FBXL7: variants seen among roughly 807,000 people sequenced by gnomAD.
FBXL7 encodes the protein F-box and leucine rich repeat protein 7.
FBXL7 carries 12 observed loss-of-function variants against 38.3 expected under a neutral mutation model. That is an observed-to-expected ratio of 0.31 (90% CI 0.20 to 0.51). The LOEUF is 0.51. Among genes scored for constraint, FBXL7 ranks in the 20% least tolerant of loss-of-function variants. The probability of loss-of-function intolerance (pLI) is 0.98; values close to 1 mark genes in which losing one functional copy is unlikely to be tolerated. For synonymous variants in FBXL7, 297 were observed against 300.9 expected (o/e 0.99, Z 0.13); for missense variants, 567 against 676.4 (o/e 0.84, Z 1.79).
At chr5:15,859,575 A>G (rs1196564008) in intron 2 of FBXL7, among the ~76,000 whole-genome samples, 1 of 152,188 alleles carries the variant, frequency 6.6e-6, no homozygotes, top group Non-Finnish European at 1.5e-5. Context: ...GAGCAAAGTC[A>G]TGTCTCGCAT....
intron 2 of FBXL7, among the ~76,000 whole-genome samples, chr5:15,893,106 A>T (rs923045113): frequency 3.4e-5 from 5 of 147,384 alleles, no homozygotes; most frequent in Non-Finnish European, 7.5e-5. Flanking sequence ...ACAGAGTGAG[A>T]CTCTGTCTCA....
At position 15,506,014 on chromosome 5, in the gene FBXL7, A is replaced by G. The variant is rs113143460; in HGVS notation, c.37+5301A>G. 6.6e-3 allele frequency among the ~76,000 whole-genome samples: 1,003 copies of G among 152,330 alleles called. 13 individuals carry two copies. The highest frequency in any genetic ancestry group is 0.023 in the African/African-American group (948 of 41,570). Reference sequence around the variant, plus strand: ...GGCTCTAACTTTTACAGTTTGAGGTAAGACAGCAAAGCTAGCAGGAATTTC... The same window carrying G: ...GGCTCTAACTTTTACAGTTTGAGGTGAGACAGCAAAGCTAGCAGGAATTTC... On this transcript the variant is annotated intron_variant, in intron 1 of 3. Coordinates refer to ENST00000504595, the MANE Select transcript of FBXL7 (RefSeq NM_012304.5).
At chr5:15,708,317 T>G (rs1441005295) in intron 2 of FBXL7, among the ~76,000 whole-genome samples, 1 of 152,230 alleles carries the variant, frequency 6.6e-6, no homozygotes, top group Non-Finnish European at 1.5e-5. Flanking sequence ...GGTCTCTCAC[T>G]GGGTTCCCAT....
chr5:15,782,454 A>C (rs1737022130), intron 2 of FBXL7, among the ~76,000 whole-genome samples: 1 of 152,158 alleles, frequency 6.6e-6, no homozygotes, highest in Non-Finnish European at 1.5e-5. Context: ...ACAGTGTAAA[A>C]TTGTTCCTAT....
chr5:15,654,806 T>A (rs1338388250), intron 2 of FBXL7, among the ~76,000 whole-genome samples: 1 of 152,188 alleles, frequency 6.6e-6, no homozygotes, highest in Non-Finnish European at 1.5e-5. Context: ...TATTTTAGAT[T>A]TTTAAAAAAT....
At chr5:15,831,799 C>A (rs1284106693) in intron 2 of FBXL7, among the ~76,000 whole-genome samples, 2 of 152,160 alleles carry the variant, frequency 1.3e-5, no homozygotes, top group African/African-American at 4.8e-5. Flanking sequence ...ACATGGACAG[C>A]ATCTTTTCTT....
intron 2 of FBXL7, among the ~76,000 whole-genome samples, chr5:15,656,897 G>A (rs1005532336): frequency 6.6e-6 from 1 of 151,930 alleles, no homozygotes; most frequent in Admixed American, 6.6e-5. Flanking sequence ...GTAAATTGTA[G>A]CCTGTATAGT....
At position 15,928,032 on chromosome 5, in the gene FBXL7, C is replaced by A. The variant is rs773853909; in HGVS notation, c.270C>A (p.Ser90=). ...ITGETVAMVH[S]PPPTRLTHPL... is the part of the protein sequence containing the mutation. ...GGGAGACGGTGGCCATGGTGCACTC[C>A]CCGCCCCCGACCCGCCTCACACACC... The change falls in exon 3 of 4, where the codon TCC becomes TCA. Residue 90 remains serine, a synonymous_variant. Transcript: ENST00000504595. The surrounding 1 kb of genome is among the most constrained non-coding windows in gnomAD (Gnocchi z 4.0). 1.9e-6 allele frequency: 1 copy of A among 518,106 alleles called. No homozygotes were observed. The highest frequency in any genetic ancestry group is 3.9e-6 in the Non-Finnish European group (1 of 257,504). The allele number at this position is 518,106 out of a possible 1,614,324, so 32.1% of individuals were successfully genotyped here.
chr5:15,546,951 GC>G (rs928507593), intron 1 of FBXL7, among the ~76,000 whole-genome samples: 5 of 152,154 alleles, frequency 3.3e-5, no homozygotes, highest in African/African-American at 1.2e-4. Flanking sequence ...GGAAGAAGAA[GC>G]TTTTTGAGCA....
At chr5:15,516,417 C>T (rs929275223) in intron 1 of FBXL7, among the ~76,000 whole-genome samples, 10 of 152,202 alleles carry the variant, frequency 6.6e-5, no homozygotes, top group Non-Finnish European at 1.3e-4. Context: ...GTGCTCCTAA[C>T]TGCATTCACT....
intron 2 of FBXL7, among the ~76,000 whole-genome samples, chr5:15,902,964 C>G (rs372091033): frequency 3.3e-5 from 5 of 152,326 alleles, no homozygotes; most frequent in South Asian, 2.1e-4. Flanking sequence ...CAACCCACCA[C>G]GGGTCTGGGC....
At chr5:15,932,341 G>A (rs1219259977) in intron 3 of FBXL7, among the ~76,000 whole-genome samples, 3 of 152,182 alleles carry the variant, frequency 2.0e-5, no homozygotes, top group Non-Finnish European at 4.4e-5. Context: ...CTGCCTGGAA[G>A]TCAGCAGTTG....
intron 2 of FBXL7, among the ~76,000 whole-genome samples, chr5:15,863,724 T>G (rs1739580571): frequency 6.6e-6 from 1 of 152,174 alleles, no homozygotes; most frequent in South Asian, 2.1e-4. Context: ...TCTCTTTTGG[T>G]GATGAGTGAG....
At chr5:15,592,935 C>T (rs1301236325) in intron 1 of FBXL7, among the ~76,000 whole-genome samples, 7 of 152,104 alleles carry the variant, frequency 4.6e-5, no homozygotes, top group South Asian at 2.1e-4. Context: ...GGATAAGATG[C>T]GTATCACACA....
chr5:15,828,752 G>A (rs528702270), intron 2 of FBXL7, among the ~76,000 whole-genome samples: 9 of 152,276 alleles, frequency 5.9e-5, no homozygotes, highest in South Asian at 2.1e-4. Context: ...GCCGTGTTAC[G>A]TTGGAAAGGC....
chr5:15,939,273 T>G lies in FBXL7; in HGVS notation c.*2087T>G. The G allele has an allele frequency of 5.3e-6, 2 of 376,522 alleles. No homozygotes were observed. The highest frequency in any genetic ancestry group is 9.4e-6 in the Non-Finnish European group (2 of 212,470). The allele number at this position is 376,522 out of a possible 1,614,324, so 23.3% of individuals were successfully genotyped here. A position where few individuals can be genotyped will look rare whatever the true frequency, so the allele number is the denominator to read the frequency against. The stretch of plus-strand genomic sequence containing the variant: ...ACCATGAAAGAAGTTGAAGGCAGCA[T>G]TCCTCAGCTCTGTGACTTGTGACCC... On this transcript the variant is annotated 3_prime_UTR_variant, in exon 4 of 4. Coordinates refer to ENST00000504595, the MANE Select transcript of FBXL7 (RefSeq NM_012304.5).
chr5:15,518,921 C>A (rs915850042), intron 1 of FBXL7, among the ~76,000 whole-genome samples: 6 of 152,106 alleles, frequency 3.9e-5, no homozygotes, highest in Non-Finnish European at 7.4e-5. Context: ...TTGGCCCGCC[C>A]ACGAGAAACA....
chr5:15,773,963 A>G (rs116543684), intron 2 of FBXL7, among the ~76,000 whole-genome samples: 15 of 152,168 alleles, frequency 9.9e-5, no homozygotes, highest in African/African-American at 3.6e-4. Context: ...TCTTTTGCAC[A>G]TGGATCCTAT....
chr5:15,603,572 G>A (rs1580398031), intron 1 of FBXL7, among the ~76,000 whole-genome samples: 1 of 152,346 alleles, frequency 6.6e-6, no homozygotes, highest in Admixed American at 6.5e-5. Context: ...TGTAGGCAAT[G>A]AGGTCATGGC....
Sources: allele counts gnomAD v4.1 joint callset (sites outside exome capture counted in the v4.1 genomes callset), GRCh38; gene constraint gnomAD v4.1.1; non-coding constraint Gnocchi (gnomAD v3.1); transcripts MANE v1.5; gene names NCBI Gene and HGNC (gene_info 2026-07-23, HGNC 2026-07-21).